DLGAP1: variants seen among roughly 807,000 people sequenced by gnomAD.
DLGAP1 encodes the protein DLG associated protein 1.
In DLGAP1, 11 loss-of-function variants were observed where a neutral mutation model predicts 90.8. The ratio of observed to expected loss-of-function variants is 0.12; its 90% CI spans 0.08 to 0.20. The LOEUF (loss-of-function observed/expected upper bound fraction) is 0.20. Ranked by LOEUF, DLGAP1 falls within the 10% of genes least tolerant of loss-of-function variation. The pLI is 1.00. For missense variants in DLGAP1, 1,050 were observed against 1,333.8 expected (o/e 0.79, Z 3.31); for synonymous variants, 558 against 540.7 (o/e 1.03, Z -0.44).
intron 7 of DLGAP1, chr18:3,721,511 G>GT (rs1171307641): frequency 1.3e-5 from 2 of 152,004 alleles, no homozygotes; most frequent in Non-Finnish European, 2.9e-5. Context: ...TTTCAGTCTA[G>GT]TTTTTTTCAT....
chr18:4,441,273 A>G (rs1004943807), intron 1 of DLGAP1, among the ~76,000 whole-genome samples: 3 of 152,196 alleles, frequency 2.0e-5, no homozygotes, highest in African/African-American at 7.2e-5. Context: ...CGTTTCTTGG[A>G]AAGAAGAGAC....
At chr18:3,593,846 G>A (rs1028325520) in intron 7 of DLGAP1, 1 of 152,158 alleles carries the variant, frequency 6.6e-6, no homozygotes, top group East Asian at 1.9e-4. Flanking sequence ...AGGAAGAATG[G>A]AAAGGTTTGT....
intron 7 of DLGAP1, among the ~76,000 whole-genome samples, chr18:3,699,618 G>C (rs1423338295): frequency 6.6e-6 from 1 of 152,006 alleles, no homozygotes; most frequent in Non-Finnish European, 1.5e-5. Flanking sequence ...TGGGGGTCAG[G>C]GACCCACTTG....
chr18:4,169,881 T>A (rs1261138861), intron 1 of DLGAP1, among the ~76,000 whole-genome samples: 1 of 152,130 alleles, frequency 6.6e-6, no homozygotes, highest in Non-Finnish European at 1.5e-5. Flanking sequence ...AGAGCCTGAG[T>A]CAAATCCTTG....
At chr18:3,809,362 A>G (rs975123464) in intron 5 of DLGAP1, among the ~76,000 whole-genome samples, 1 of 152,166 alleles carries the variant, frequency 6.6e-6, no homozygotes, top group Non-Finnish European at 1.5e-5. Flanking sequence ...TATTTTTCCA[A>G]ATTTAAATTT....
chr18:3,728,393 T>C (rs1379854461), intron 7 of DLGAP1, among the ~76,000 whole-genome samples: 2 of 151,190 alleles, frequency 1.3e-5, no homozygotes, highest in African/African-American at 2.4e-5. Context: ...TATGCACACA[T>C]TGTCATATAT....
At chr18:3,589,522 A>C (rs1321395184) in intron 7 of DLGAP1, among the ~76,000 whole-genome samples, 1 of 152,178 alleles carries the variant, frequency 6.6e-6, no homozygotes, top group East Asian at 1.9e-4. Flanking sequence ...GTCCATAAGG[A>C]ACCACAAATA....
At chr18:3,794,511 AC>A (rs1297629046) in intron 5 of DLGAP1, among the ~76,000 whole-genome samples, 1 of 152,176 alleles carries the variant, frequency 6.6e-6, no homozygotes, top group African/African-American at 2.4e-5. Flanking sequence ...TGGAGAACCC[AC>A]CCAGGATGCT....
chr18:4,273,116 C>G (rs2079323039), intron 1 of DLGAP1, among the ~76,000 whole-genome samples: 1 of 152,144 alleles, frequency 6.6e-6, no homozygotes, highest in Middle Eastern at 3.2e-3. Context: ...ACCACCTCTC[C>G]ACACCCTATT....
chr18:4,343,213 A>C (rs1226302012), intron 1 of DLGAP1, among the ~76,000 whole-genome samples: 4 of 151,444 alleles, frequency 2.6e-5, no homozygotes, highest in Admixed American at 2.6e-4. Context: ...AGGCTGAGGC[A>C]GGAGAATGGC....
At chr18:4,410,082 C>T (rs181370308) in intron 1 of DLGAP1, among the ~76,000 whole-genome samples, 143 of 152,256 alleles carry the variant, frequency 9.4e-4, no homozygotes, top group Middle Eastern at 6.8e-3. Flanking sequence ...GGTATGTTCT[C>T]ACTGATATGT....
Position 3,718,339 on chromosome 18 carries a change from A to G in DLGAP1, c.1591+10796T>C, listed in dbSNP as rs139244548. Among the ~76,000 whole-genome samples, 818 of 152,030 alleles carry G rather than the reference A, an allele frequency of 5.4e-3. 2 individuals are homozygous for G. Among genetic ancestry groups the G allele is most frequent in the South Asian group, 7.9e-3 (38 of 4,806 alleles). ...CCAGGAGTGGTCTTATATCAATAAGAGGCACTGTGTGCTGGGTACAGTGGC... is the reference window on the plus strand; with the variant it reads ...CCAGGAGTGGTCTTATATCAATAAGGGGCACTGTGTGCTGGGTACAGTGGC... On this transcript the variant is annotated intron_variant, in intron 7 of 12. Coordinates refer to ENST00000315677, the MANE Select transcript of DLGAP1 (RefSeq NM_004746.4).
intron 1 of DLGAP1, among the ~76,000 whole-genome samples, chr18:4,417,227 C>A (rs773848943): frequency 5.7e-4 from 87 of 152,158 alleles, no homozygotes; most frequent in Non-Finnish European, 1.1e-3. Flanking sequence ...TCTCTGAAAT[C>A]AGGCAGTAAA....
rs116253293 is a variant in DLGAP1, at chr18:4,050,937, C to T, written c.-158-45736G>A. On this transcript the variant is annotated intron_variant, in intron 2 of 12. Transcript: ENST00000315677. ...TACTGTGGCATTTTCCTCTCCATCA[C>T]CCTTCATGGGGAAGCCTCATCCTAT... 4.1e-3 allele frequency among the ~76,000 whole-genome samples: 617 copies of T among 152,316 alleles called. 3 individuals are homozygous for T. The highest frequency in any genetic ancestry group is 0.014 in the African/African-American group (573 of 41,566).
chr18:4,164,522 A>G (rs1218560785), intron 1 of DLGAP1, among the ~76,000 whole-genome samples: 2 of 152,058 alleles, frequency 1.3e-5, no homozygotes, highest in African/African-American at 2.4e-5. Flanking sequence ...CCTACTAAAA[A>G]TACAAAAATT....
chr18:3,614,649 T>G (rs1236879495), intron 7 of DLGAP1, among the ~76,000 whole-genome samples: 1 of 134,676 alleles, frequency 7.4e-6, no homozygotes, highest in East Asian at 2.3e-4. Context: ...GAGACCAGCC[T>G]GACCAACATG....
chr18:3,948,796 A>G (rs769013168), intron 3 of DLGAP1, among the ~76,000 whole-genome samples: 2 of 152,094 alleles, frequency 1.3e-5, no homozygotes, highest in Non-Finnish European at 2.9e-5. Flanking sequence ...AGTGAGGAAT[A>G]AAAGAAGACA....
chr18:3,875,831 T>C (rs926336422), intron 4 of DLGAP1, among the ~76,000 whole-genome samples: 14 of 152,244 alleles, frequency 9.2e-5, no homozygotes, highest in Non-Finnish European at 1.8e-4. Flanking sequence ...AGCGCCTCAT[T>C]TTCTAGCAGA....
chr18:3,555,657 AAAATT>A (rs1392916952), intron 9 of DLGAP1, among the ~76,000 whole-genome samples: 1 of 152,074 alleles, frequency 6.6e-6, no homozygotes, highest in Admixed American at 6.6e-5. Flanking sequence ...CTAAAAATAC[AAAATT>A]AGCCGGGTGT....
Sources: allele counts gnomAD v4.1 joint callset (sites outside exome capture counted in the v4.1 genomes callset), GRCh38; gene constraint gnomAD v4.1.1; transcripts MANE v1.5; gene names NCBI Gene and HGNC (gene_info 2026-07-23, HGNC 2026-07-21).